The following TMEM98 variants were observed in gnomAD, a reference collection of about 807,000 sequenced individuals.
The protein encoded by TMEM98 is transmembrane protein 98.
In TMEM98, 18 loss-of-function variants were observed where a neutral mutation model predicts 25.0. The observed-to-expected ratio is 0.72, with a 90% CI of 0.50 to 1.07. The LOEUF (loss-of-function observed/expected upper bound fraction) is 1.07, where lower values mean the gene tolerates loss of function less well. Among genes scored for constraint, TMEM98 ranks in the 50% least tolerant of loss-of-function variants. The pLI is 0.00. For missense variants in TMEM98, 241 were observed against 289.0 expected, an observed-to-expected ratio of 0.83 and a Z score of 1.20; for synonymous variants, 103 against 112.4, an observed-to-expected ratio of 0.92 and a Z score of 0.53.
At chr17:32,938,911 A>G (rs2091512200) in intron 6 of TMEM98, among the ~76,000 whole-genome samples, 1 of 152,234 alleles carries the variant, frequency 6.6e-6, no homozygotes, top group Admixed American at 6.5e-5. Flanking sequence ...AGTAATCTTG[A>G]ACATCATTCC....
At chr17:32,939,687 G>A (rs1051179948) in intron 7 of TMEM98, 151 bp downstream of exon 7, 6 of 862,828 alleles carry the variant, frequency 7.0e-6, no homozygotes, top group Non-Finnish European at 1.1e-5. Context: ...ATTTACTTCA[G>A]TGAGCGGCGC....
chr17:32,933,122 T>C (rs146101202), intron 3 of TMEM98, 52 bp from the exon 4 acceptor site: 1 of 1,606,824 alleles, frequency 6.2e-7, no homozygotes, highest in African/African-American at 1.3e-5. Context: ...GAGGAGAGGA[T>C]CAGCAGCGGT....
intron 6 of TMEM98, among the ~76,000 whole-genome samples, chr17:32,937,049 G>A (rs548490234): frequency 1.3e-5 from 2 of 152,236 alleles, no homozygotes; most frequent in South Asian, 2.1e-4. Context: ...GCTTGATATC[G>A]TGAGGAAAAA....
chr17:32,935,684 T>C (rs2091492562), intron 5 of TMEM98, among the ~76,000 whole-genome samples: 2 of 152,076 alleles, frequency 1.3e-5, no homozygotes, highest in South Asian at 4.2e-4. Flanking sequence ...TTGCCATGGA[T>C]AGAGGCGCAC....
rs559247704 is a variant in TMEM98, at chr17:32,929,437, G to C, written c.-131+1200G>C. On this transcript the variant is annotated intron_variant, in intron 1 of 7. Coordinates refer to ENST00000579849, the MANE Select transcript of TMEM98 (RefSeq NM_015544.3). ...AGGGGAAGGAGAGACACTGAGAAGC[G>C]GGAGACGGGAGCAGCAGAGGGAAAG... 3.3e-5 allele frequency among the ~76,000 whole-genome samples: 5 copies of C among 152,242 alleles called. No homozygotes were observed. The East Asian group carries it at 9.6e-4, about 29-fold the overall frequency.
At chr17:32,939,329 C>A (rs931953939) in intron 6 of TMEM98, 148 bp from the exon 7 acceptor site, 7 of 698,564 alleles carry the variant, frequency 1.0e-5, no homozygotes, top group East Asian at 6.5e-5. Context: ...ATCACTTGAG[C>A]CTGGGAGGTG....
At position 32,942,131 on chromosome 17, in the gene TMEM98, A is replaced by G. The variant is rs2091534300; in HGVS notation, c.*1138A>G. On this transcript the variant is annotated 3_prime_UTR_variant, in exon 8 of 8. Coordinates refer to ENST00000579849, the MANE Select transcript of TMEM98 (RefSeq NM_015544.3). ...GCACTATGAAGTAGTTTCCACATTA[A>G]CAATAGCAATGACTTGAACGATGTG... 1 of 152,218 alleles carries G rather than the reference A, an allele frequency of 6.6e-6. No homozygotes were observed. Among genetic ancestry groups the G allele is most frequent in the Non-Finnish European group, 1.5e-5 (1 of 68,036 alleles). The allele number at this position is 152,218 out of a possible 1,614,324, so 9.4% of individuals were successfully genotyped here.
At position 32,941,276 on chromosome 17, in the gene TMEM98, C is replaced by T. The variant is rs1307410863; in HGVS notation, c.*283C>T. 2.0e-5 allele frequency: 5 copies of T among 252,286 alleles called. No individual in the cohort carries two copies. The highest frequency in any genetic ancestry group is 1.3e-3 in the Middle Eastern group (1 of 786). The allele number at this position is 252,286 out of a possible 1,614,324, so 15.6% of individuals were successfully genotyped here. A position where few individuals can be genotyped will look rare whatever the true frequency, so the allele number is the denominator to read the frequency against. ...TGGACTGTCAGCTTTATTTAGCTCA[C>T]CTAGTGTTTTCAAGAAAATTGAGCC... On this transcript the variant is annotated 3_prime_UTR_variant, in exon 8 of 8. Coordinates refer to ENST00000579849, the MANE Select transcript of TMEM98 (RefSeq NM_015544.3).
Position 32,943,474 on chromosome 17 carries a change from A to G in TMEM98, c.*2481A>G, listed in dbSNP as rs1020857765. 4.6e-5 allele frequency: 7 copies of G among 152,212 alleles called. No individual in the cohort carries two copies. Among genetic ancestry groups the G allele is most frequent in the Non-Finnish European group, 1.0e-4 (7 of 68,050 alleles). 9.4% of individuals were successfully genotyped at this position (152,212 alleles called of 1,614,324 possible). On this transcript the variant is annotated 3_prime_UTR_variant, in exon 8 of 8. Transcript: ENST00000579849. ...AAGTGCCTAGTTCTCTAGCGTCTGTATACATGGTAGTAGAGCCTTCCTTCC... is the reference window on the plus strand; with the variant it reads ...AAGTGCCTAGTTCTCTAGCGTCTGTGTACATGGTAGTAGAGCCTTCCTTCC...
intron 1 of TMEM98, among the ~76,000 whole-genome samples, chr17:32,929,142 C>T (rs577261117): frequency 1.3e-5 from 2 of 151,828 alleles, no homozygotes; most frequent in Non-Finnish European, 2.9e-5. Flanking sequence ...CAAGCACATT[C>T]AGAAAACACT....
chr17:32,931,793 C>T (rs1598199442), intron 3 of TMEM98, 134 bp downstream of exon 3: 1 of 1,156,308 alleles, frequency 8.6e-7, no homozygotes, highest in East Asian at 2.6e-5. Context: ...GTGTCCTTCC[C>T]TGTAAAGACC....
chr17:32,931,472 A>T lies in TMEM98; in HGVS notation c.-54-3A>T. ...ATCTGCTCTGACTTCATGTTCTCTC[A>T]AGCTTTAGCCCATGAGGAGGATGTG... On this transcript the variant is annotated splice_region_variant and splice_polypyrimidine_tract_variant and intron_variant, in intron 2 of 7. Coordinates refer to ENST00000579849, the MANE Select transcript of TMEM98 (RefSeq NM_015544.3). 1 of 1,578,752 alleles carries T rather than the reference A, an allele frequency of 6.3e-7. No individual in the cohort carries two copies. The highest frequency in any genetic ancestry group is 8.6e-7 in the Non-Finnish European group (1 of 1,161,536).
At chr17:32,934,058 C>G (rs893196427) in intron 4 of TMEM98, among the ~76,000 whole-genome samples, 1 of 152,170 alleles carries the variant, frequency 6.6e-6, no homozygotes, top group African/African-American at 2.4e-5. Flanking sequence ...ACTCGCTAGG[C>G]ACACAGTGGA....
At chr17:32,928,573 G>T (rs1160963920) in intron 1 of TMEM98, among the ~76,000 whole-genome samples, 3 of 151,934 alleles carry the variant, frequency 2.0e-5, no homozygotes, top group Non-Finnish European at 2.9e-5. Context: ...AAGTAAGGGA[G>T]AGAGAAAGAG....
intron 6 of TMEM98, 55 bp from the exon 7 acceptor site, chr17:32,939,422 A>AGGAC (rs2151114743): frequency 6.7e-7 from 1 of 1,483,112 alleles, no homozygotes; most frequent in South Asian, 1.2e-5. Flanking sequence ...AAAAAAAAAA[A>AGGAC]GGAGAAAAGG....
intron 1 of TMEM98, among the ~76,000 whole-genome samples, chr17:32,928,933 G>C (rs140938134): frequency 7.6e-6 from 1 of 131,736 alleles, no homozygotes; most frequent in African/African-American, 3.3e-5. Context: ...CTCACACACA[G>C]AAGCACACTC....
chr17:32,936,232 T>C (rs1401578054), intron 5 of TMEM98, 100 bp from the exon 6 acceptor site: 2 of 905,196 alleles, frequency 2.2e-6, no homozygotes, highest in African/African-American at 1.6e-5. Flanking sequence ...GGGGGCCAGC[T>C]GCGATGGAAC....
intron 5 of TMEM98, among the ~76,000 whole-genome samples, chr17:32,934,984 A>C (rs1016051140): frequency 6.6e-6 from 1 of 152,078 alleles, no homozygotes; most frequent in Non-Finnish European, 1.5e-5. Flanking sequence ...AACTATACTG[A>C]AATATTTGGC....
intron 6 of TMEM98, among the ~76,000 whole-genome samples, chr17:32,937,569 G>A (rs189839930): frequency 8.1e-4 from 124 of 152,154 alleles, no homozygotes; most frequent in African/African-American, 2.8e-3. Context: ...GTGGGCACTG[G>A]GCATTCCTTC....
Sources: gnomAD v4.1 joint callset for allele counts (sites outside exome capture counted in the v4.1 genomes callset) on GRCh38, gnomAD v4.1.1 for gene constraint, MANE v1.5 for transcripts, NCBI Gene and HGNC (gene_info 2026-07-23, HGNC 2026-07-21) for gene names.